FAM222B: variants seen among roughly 807,000 people sequenced by gnomAD.
The protein encoded by FAM222B is protein FAM222B.
Under a neutral mutation model 38.0 loss-of-function variants are expected in FAM222B, and 12 were observed. That is an observed-to-expected ratio of 0.32 (90% CI 0.20 to 0.51). The LOEUF (loss-of-function observed/expected upper bound fraction) is 0.51. Among genes scored for constraint, FAM222B ranks in the 20% least tolerant of loss-of-function variants. The pLI is 0.97. For missense variants in FAM222B, 716 were observed against 754.2 expected, an observed-to-expected ratio of 0.95 and a Z score of 0.59; for synonymous variants, 329 against 317.2, an observed-to-expected ratio of 1.04 and a Z score of -0.40.
At chr17:28,778,949 G>A (rs577257236) in intron 1 of FAM222B, among the ~76,000 whole-genome samples, 5 of 151,566 alleles carry the variant, frequency 3.3e-5, no homozygotes, top group South Asian at 2.1e-4. Context: ...AACTACCTTA[G>A]AAAGGTAGAG....
chr17:28,798,597 T>C (rs900054696), intron 1 of FAM222B, among the ~76,000 whole-genome samples: 1 of 152,036 alleles, frequency 6.6e-6, no homozygotes, highest in East Asian at 1.9e-4. Flanking sequence ...ATACAGTTTT[T>C]GTTTTCTCAT....
chr17:28,801,308 C>G (rs1385535366), intron 1 of FAM222B, among the ~76,000 whole-genome samples: 2 of 151,132 alleles, frequency 1.3e-5, no homozygotes, highest in Non-Finnish European at 2.9e-5. Flanking sequence ...AAAAAATTAG[C>G]CGGGCGATGT....
rs553836134 is a variant in FAM222B, at chr17:28,807,085, G to A, written c.-41+35597C>T. 4.1e-3 allele frequency among the ~76,000 whole-genome samples: 613 copies of A among 150,422 alleles called. 5 individuals are homozygous for A. Among genetic ancestry groups the A allele is most frequent in the African/African-American group, 0.014 (566 of 40,866 alleles). ...GGCTGGAGTGCAATGGCACAATCTC[G>A]GCTCACTGCAACCTCTACCTCCTGG... On this transcript the variant is annotated intron_variant, in intron 1 of 2. Coordinates refer to ENST00000581407, the MANE Select transcript of FAM222B (RefSeq NM_001077498.3).
intron 1 of FAM222B, among the ~76,000 whole-genome samples, chr17:28,840,439 T>C (rs933131762): frequency 2.0e-5 from 3 of 152,148 alleles, no homozygotes; most frequent in African/African-American, 7.2e-5. Context: ...TTTGTCTACA[T>C]TAAAAAACAC....
intron 1 of FAM222B, among the ~76,000 whole-genome samples, chr17:28,822,345 C>T (rs2038255827): frequency 6.7e-6 from 1 of 149,986 alleles, no homozygotes; most frequent in Admixed American, 6.6e-5. Flanking sequence ...AAAGGCCAGG[C>T]AGCACAGTGG....
chr17:28,799,455 G>A (rs921383571), intron 1 of FAM222B, among the ~76,000 whole-genome samples: 3 of 150,570 alleles, frequency 2.0e-5, no homozygotes, highest in African/African-American at 4.9e-5. Flanking sequence ...CTGCCACCAC[G>A]ACCGGCTAAT....
chr17:28,770,663 T>G (rs112517980), intron 1 of FAM222B, among the ~76,000 whole-genome samples: 11,646 of 151,886 alleles, frequency 0.077, 669 homozygotes, highest in Non-Finnish European at 0.11. Flanking sequence ...CTCCGCCTCC[T>G]GGGTTCCCGC....
chr17:28,847,788 C>G (rs1307777656), upstream of FAM222B, among the ~76,000 whole-genome samples: 3 of 151,626 alleles, frequency 2.0e-5, no homozygotes, highest in Non-Finnish European at 4.4e-5. Context: ...ATGGCGGGCG[C>G]CTATAGTCCC....
At chr17:28,825,371 T>C (rs1598026491) in intron 1 of FAM222B, among the ~76,000 whole-genome samples, 1 of 148,930 alleles carries the variant, frequency 6.7e-6, no homozygotes, top group East Asian at 2.0e-4. Flanking sequence ...GTGGTGGAGG[T>C]TACGGGGAAC....
intron 1 of FAM222B, among the ~76,000 whole-genome samples, chr17:28,818,983 G>A (rs1323713208): frequency 1.3e-5 from 2 of 152,184 alleles, no homozygotes; most frequent in Non-Finnish European, 2.9e-5. Flanking sequence ...AGCCCTGGAC[G>A]CTGTTTCCCC....
At chr17:28,821,587 G>A (rs1195739607) in intron 1 of FAM222B, among the ~76,000 whole-genome samples, 1 of 152,156 alleles carries the variant, frequency 6.6e-6, no homozygotes, top group Non-Finnish European at 1.5e-5. Context: ...CTTATAAAAA[G>A]TCTCATTCGC....
rs547056857 is a variant in FAM222B, at chr17:28,838,538, T to C, written c.-41+4144A>G. 4.8e-5 allele frequency among the ~76,000 whole-genome samples: 7 copies of C among 146,862 alleles called. No homozygotes were observed. The South Asian group carries it at 1.3e-3, about 27-fold the overall frequency. ...GAGCTTATAGTGAGCCGAGATCGCG[T>C]CACTGCACTCCAGTCTGGGCGACAG... On this transcript the variant is annotated intron_variant, in intron 1 of 2. Transcript: ENST00000581407.
At chr17:28,850,213 T>C (rs1193235722) in intron 1 of FAM222B, among the ~76,000 whole-genome samples, 1 of 152,036 alleles carries the variant, frequency 6.6e-6, no homozygotes, top group African/African-American at 2.4e-5. Context: ...CGGGCAGGGA[T>C]TGCGATTTGA....
upstream of FAM222B, among the ~76,000 whole-genome samples, chr17:28,845,461 C>A (rs1253206770): frequency 6.6e-6 from 1 of 151,340 alleles, no homozygotes; most frequent in East Asian, 1.9e-4. Flanking sequence ...CGCCTGTAGT[C>A]CCAGCTACAC....
At chr17:28,769,382 A>G (rs1465066809) in intron 1 of FAM222B, among the ~76,000 whole-genome samples, 1 of 151,678 alleles carries the variant, frequency 6.6e-6, no homozygotes, top group Non-Finnish European at 1.5e-5. Context: ...GGGGTTTCAC[A>G]GTGTTAGCCA....
At chr17:28,831,209 G>A (rs1161311975) in intron 1 of FAM222B, among the ~76,000 whole-genome samples, 2 of 151,814 alleles carry the variant, frequency 1.3e-5, no homozygotes, top group Non-Finnish European at 2.9e-5. Context: ...TGGCCAAGCT[G>A]GTCTCAAACT....
intron 1 of FAM222B, among the ~76,000 whole-genome samples, chr17:28,833,604 C>A (rs1362932837): frequency 2.4e-4 from 26 of 106,922 alleles, no homozygotes; most frequent in South Asian, 3.2e-4. Flanking sequence ...CAGAGTGAGA[C>A]TTTGTCTCAA....
At chr17:28,805,250 C>G (rs2037430878) in intron 1 of FAM222B, among the ~76,000 whole-genome samples, 1 of 151,984 alleles carries the variant, frequency 6.6e-6, no homozygotes, top group Admixed American at 6.6e-5. Context: ...CCTACCTACT[C>G]AAGAGGCTGA....
chr17:28,768,341 C>A (rs972419712), intron 1 of FAM222B, among the ~76,000 whole-genome samples: 3 of 152,128 alleles, frequency 2.0e-5, no homozygotes, highest in Non-Finnish European at 4.4e-5. Context: ...GCTTCCAAGA[C>A]CAGGTAGCTG....
Sources: gnomAD v4.1 joint callset for allele counts (sites outside exome capture counted in the v4.1 genomes callset) on GRCh38, gnomAD v4.1.1 for gene constraint, MANE v1.5 for transcripts, NCBI Gene and HGNC (gene_info 2026-07-23, HGNC 2026-07-21) for gene names.